The following PTPN4 variants were observed in gnomAD, a reference collection of about 807,000 sequenced individuals.
PTPN4 encodes tyrosine-protein phosphatase non-receptor type 4.
A neutral mutation model predicts 135.5 loss-of-function variants in PTPN4; 49 were observed. That is an observed-to-expected ratio of 0.36 (90% CI 0.29 to 0.46). PTPN4 has a LOEUF of 0.46. Among genes scored for constraint, PTPN4 ranks in the 20% least tolerant of loss-of-function variants. The probability of loss-of-function intolerance (pLI) is 1.00; values close to 1 mark genes in which losing one functional copy is unlikely to be tolerated. For missense variants in PTPN4, 860 were observed against 1,101.0 expected, an observed-to-expected ratio of 0.78 and a Z score of 3.10; for synonymous variants, 333 against 369.9, an observed-to-expected ratio of 0.90 and a Z score of 1.14.
chr2:119,929,171 A>G (rs1027179035), intron 13 of PTPN4, among the ~76,000 whole-genome samples: 1 of 152,086 alleles, frequency 6.6e-6, no homozygotes, highest in African/African-American at 2.4e-5. Context: ...TGAGGTTGTA[A>G]TAGTACTGGG....
intron 2 of PTPN4, among the ~76,000 whole-genome samples, chr2:119,859,562 C>G (rs548384994): frequency 6.6e-6 from 1 of 152,306 alleles, no homozygotes; most frequent in South Asian, 2.1e-4. Flanking sequence ...TTGGGAGACA[C>G]CACTTGCTAC....
rs968680658 is a variant in PTPN4, at chr2:119,877,618, A to G, written c.368+76A>G. The G allele has an allele frequency of 7.4e-6, 11 of 1,490,454 alleles. No individual in the cohort carries two copies. In the South Asian group the frequency reaches 1.4e-4, roughly 19 times the overall value. 92.3% of individuals were successfully genotyped at this position (1,490,454 alleles called of 1,614,324 possible). A position where few individuals can be genotyped will look rare whatever the true frequency, so the allele number is the denominator to read the frequency against. On this transcript the variant is annotated intron_variant, in intron 5 of 26. Coordinates refer to ENST00000263708, the MANE Select transcript of PTPN4 (RefSeq NM_002830.4). Reference sequence around the variant, plus strand: ...GAAATTTTGAAATTAATTAGGCAAAAAGAAATTACTGTGGTGTAATTCTGA... The same window carrying G: ...GAAATTTTGAAATTAATTAGGCAAAGAGAAATTACTGTGGTGTAATTCTGA...
At chr2:119,893,919 A>C (rs927681936) in intron 9 of PTPN4, among the ~76,000 whole-genome samples, 1 of 152,112 alleles carries the variant, frequency 6.6e-6, no homozygotes, top group Non-Finnish European at 1.5e-5. Flanking sequence ...AAAAAACAAA[A>C]ACGGAGAACA....
At chr2:119,830,703 A>G (rs1193174714) in intron 2 of PTPN4, among the ~76,000 whole-genome samples, 1 of 152,080 alleles carries the variant, frequency 6.6e-6, no homozygotes, top group Non-Finnish European at 1.5e-5. Flanking sequence ...CCTGACCTCA[A>G]GTGAGCCACC....
intron 25 of PTPN4, among the ~76,000 whole-genome samples, chr2:119,967,153 A>G (rs955533261): frequency 2.0e-5 from 3 of 152,196 alleles, no homozygotes; most frequent in African/African-American, 7.2e-5. Context: ...GTAAAGTTTA[A>G]TTTAAAATCA....
chr2:119,857,960 G>A (rs1329201223), intron 2 of PTPN4, among the ~76,000 whole-genome samples: 1 of 152,188 alleles, frequency 6.6e-6, no homozygotes, highest in East Asian at 1.9e-4. Context: ...AATGGCTTGT[G>A]ACCAAGCCCT....
rs1679633490 is a variant in PTPN4, at chr2:119,977,377, C to T, written c.*307C>T. On this transcript the variant is annotated 3_prime_UTR_variant, in exon 27 of 27. Coordinates refer to ENST00000263708, the MANE Select transcript of PTPN4 (RefSeq NM_002830.4). ...CAATCCCCTTTTGGTAGAATTGCCA[C>T]AAACAAGGCTCAAAATTCTCATCAT... 4.5e-6 allele frequency: 1 copy of T among 223,934 alleles called. No homozygotes were observed. The highest frequency in any genetic ancestry group is 8.3e-6 in the Non-Finnish European group (1 of 120,986). 13.9% of individuals were successfully genotyped at this position (223,934 alleles called of 1,614,324 possible).
At chr2:119,870,477 A>T (rs905554759) in intron 3 of PTPN4, among the ~76,000 whole-genome samples, 3 of 152,200 alleles carry the variant, frequency 2.0e-5, no homozygotes, top group Non-Finnish European at 4.4e-5. Context: ...TTTTGGGGAG[A>T]AGATTTGACA....
chr2:119,775,193 A>G (rs1690812063), intron 1 of PTPN4, among the ~76,000 whole-genome samples: 1 of 151,704 alleles, frequency 6.6e-6, no homozygotes, highest in South Asian at 2.1e-4. Flanking sequence ...AAGATAGGCT[A>G]ACTCCACTGT....
intron 25 of PTPN4, among the ~76,000 whole-genome samples, chr2:119,967,499 C>T (rs933388845): frequency 1.3e-5 from 2 of 151,914 alleles, no homozygotes; most frequent in African/African-American, 2.4e-5. Flanking sequence ...TTTGTGCATT[C>T]GTTGATGGTT....
intron 25 of PTPN4, 81 bp from the exon 26 acceptor site, chr2:119,967,756 A>G: frequency 9.0e-7 from 1 of 1,109,154 alleles, no homozygotes; most frequent in Non-Finnish European, 1.2e-6. Context: ...TCTGTGTTAT[A>G]ATTCAGTTTT....
intron 2 of PTPN4, among the ~76,000 whole-genome samples, chr2:119,840,462 C>T (rs1677363674): frequency 1.3e-5 from 2 of 152,202 alleles, no homozygotes; most frequent in Non-Finnish European, 2.9e-5. Flanking sequence ...TGCGTATGTA[C>T]CACATTTTCC....
chr2:119,960,118 A>G (rs1157034930), intron 22 of PTPN4, among the ~76,000 whole-genome samples: 3 of 152,152 alleles, frequency 2.0e-5, no homozygotes, highest in Non-Finnish European at 4.4e-5. Flanking sequence ...GAAAAAGATT[A>G]CCTTCCTGGC....
intron 9 of PTPN4, among the ~76,000 whole-genome samples, chr2:119,890,783 G>A (rs191738603): frequency 6.6e-6 from 1 of 152,198 alleles, no homozygotes; most frequent in African/African-American, 2.4e-5. Flanking sequence ...TGATCTAGTG[G>A]TATAGAATTC....
intron 20 of PTPN4, 58 bp downstream of exon 20, chr2:119,955,381 TA>T: frequency 7.4e-7 from 1 of 1,359,584 alleles, no homozygotes; most frequent in East Asian, 2.6e-5. Context: ...ACTAGTTTCA[TA>T]GTTTCTTAAG....
intron 9 of PTPN4, 55 bp downstream of exon 9, chr2:119,885,937 T>C: frequency 1.7e-6 from 2 of 1,177,270 alleles, no homozygotes; most frequent in Non-Finnish European, 2.4e-6. Flanking sequence ...TTACTCAATA[T>C]AACATTTTTT....
In PTPN4 at chr2:119,955,161, A is replaced by G; in HGVS notation, c.1818A>G (p.Val606=). 4 of 1,596,906 alleles carry G rather than the reference A, an allele frequency of 2.5e-6. No individual in the cohort carries two copies. Among genetic ancestry groups the G allele is most frequent in the Non-Finnish European group, 3.4e-6 (4 of 1,174,766 alleles). The change falls in exon 20 of 27, where the codon GTA becomes GTG. Residue 606 remains valine (V), a synonymous_variant. Transcript: ENST00000263708. ...TGTTTGATTTTTTTTTTTTAGCTGTATATGATGTAGTGGAAGAAAAGCTAG... is the reference window on the plus strand; with the variant it reads ...TGTTTGATTTTTTTTTTTTAGCTGTGTATGATGTAGTGGAAGAAAAGCTAG... ...ELMLLVRPNA[V]YDVVEEKLEN...
At chr2:119,884,275 G>C (rs1044367932) in intron 8 of PTPN4, among the ~76,000 whole-genome samples, 1 of 152,214 alleles carries the variant, frequency 6.6e-6, no homozygotes, top group Non-Finnish European at 1.5e-5. Context: ...ATCAAAAGAA[G>C]AATAGCATTT....
At chr2:119,922,220 A>T (rs1268797048) in intron 12 of PTPN4, among the ~76,000 whole-genome samples, 3 of 50,032 alleles carry the variant, frequency 6.0e-5, no homozygotes, top group Non-Finnish European at 7.1e-5. Context: ...ATCTGATTTA[A>T]AAAAAAAAAA....
Sources: gnomAD v4.1 joint callset for allele counts (sites outside exome capture counted in the v4.1 genomes callset) on GRCh38, gnomAD v4.1.1 for gene constraint, MANE v1.5 for transcripts, NCBI Gene and HGNC (gene_info 2026-07-23, HGNC 2026-07-21) for gene names.